Variants in EML4 observed in about 807,000 individuals in gnomAD.
EML4 encodes EMAP like 4.
In EML4, 72 loss-of-function variants were observed where a neutral mutation model predicts 129.0. The observed-to-expected ratio is 0.56, with a 90% CI of 0.46 to 0.68. The LOEUF (loss-of-function observed/expected upper bound fraction) is 0.68. Ranked by LOEUF, EML4 falls within the 30% of genes least tolerant of loss-of-function variation. EML4 has a pLI of 0.00. For synonymous variants in EML4, 532 were observed against 405.0 expected (o/e 1.31, Z -3.77); for missense variants, 1,363 against 1,190.6 (o/e 1.14, Z -2.13).
chr2:42,180,226 A>G lies in EML4; in HGVS notation c.25+10590A>G, dbSNP rs1437483967. Among the ~76,000 whole-genome samples the G allele has an allele frequency of 5.3e-5, 8 of 152,338 alleles. No homozygotes were observed. In the South Asian group the frequency reaches 1.7e-3, roughly 32 times the overall value. Reference sequence around the variant, plus strand: ...TTGAGATAAAACTGCGGCTCCAAGAATATGTTCCGTGTATGTATCATGTGG... The same window carrying G: ...TTGAGATAAAACTGCGGCTCCAAGAGTATGTTCCGTGTATGTATCATGTGG... On this transcript the variant is annotated intron_variant, in intron 1 of 22. Coordinates refer to ENST00000318522, the MANE Select transcript of EML4 (RefSeq NM_019063.5).
rs1572634170 is a variant in EML4, at chr2:42,254,689, T to C, written c.209-1812T>C. ...TGGTGACATTGGAATCCTCATACAT[T>C]GCTAGTGAAATTGTAAAATGGCGCA... On this transcript the variant is annotated intron_variant, in intron 2 of 22. Coordinates refer to ENST00000318522, the MANE Select transcript of EML4 (RefSeq NM_019063.5). Among the ~76,000 whole-genome samples the C allele has an allele frequency of 2.0e-5, 3 of 151,944 alleles. No individual in the cohort carries two copies. In the East Asian group the frequency reaches 5.8e-4, roughly 29 times the overall value.
At chr2:42,317,915 A>G (rs542634197) in intron 19 of EML4, among the ~76,000 whole-genome samples, 1 of 152,346 alleles carries the variant, frequency 6.6e-6, no homozygotes, top group Admixed American at 6.5e-5. Flanking sequence ...CTTCTCTGCC[A>G]CTGAAAATAA....
intron 3 of EML4, among the ~76,000 whole-genome samples, chr2:42,258,260 G>A (rs1464606936): frequency 2.6e-5 from 4 of 152,072 alleles, no homozygotes; most frequent in South Asian, 2.1e-4. Flanking sequence ...TTGAAGAATC[G>A]CAAGGAAGAA....
chr2:42,300,600 T>C (rs1274097943), intron 13 of EML4, among the ~76,000 whole-genome samples: 29 of 152,208 alleles, frequency 1.9e-4, no homozygotes, highest in Admixed American at 1.9e-3. Flanking sequence ...CAGGTATCCA[T>C]TGCCTACCTT....
chr2:42,223,918 C>T lies in EML4; in HGVS notation c.26-21587C>T, dbSNP rs373064748. Among the ~76,000 whole-genome samples the T allele has an allele frequency of 5.3e-5, 8 of 152,188 alleles. No homozygotes were observed. In the South Asian group the frequency reaches 1.7e-3, roughly 32 times the overall value. On this transcript the variant is annotated intron_variant, in intron 1 of 22. Coordinates refer to ENST00000318522, the MANE Select transcript of EML4 (RefSeq NM_019063.5). ...CTGGCCTTTTCACATACTAATAATA[C>T]CACTACGGGTTCTCCTTCCTTTACC...
intron 1 of EML4, among the ~76,000 whole-genome samples, chr2:42,204,293 G>A (rs2103982213): frequency 6.6e-6 from 1 of 152,282 alleles, no homozygotes; most frequent in African/African-American, 2.4e-5. Context: ...TATATAAGCA[G>A]TTAGTGGCAA....
intron 1 of EML4, chr2:42,169,894 T>C (rs1207299102): frequency 4.9e-6 from 2 of 408,000 alleles, no homozygotes; most frequent in African/African-American, 4.1e-5. Context: ...TCCCCCAAAG[T>C]GGGAACCCCT....
At position 42,245,532 on chromosome 2, in the gene EML4, C is replaced by G. The variant is rs113909364; in HGVS notation, c.53C>G (p.Ser18Cys). 3 of 1,613,370 alleles carry G rather than the reference C, an allele frequency of 1.9e-6. No individual in the cohort carries two copies. The highest frequency in any genetic ancestry group is 2.5e-6 in the Non-Finnish European group (3 of 1,179,566). Residue 18 changes from serine to cysteine, a missense_variant, in exon 2 of 23, where the codon TCT becomes TGT. Ser to Cys is a moderately radical substitution (Grantham distance 112). Transcript: ENST00000318522. ...GATAGTATTTCTGCTGCAAGTACTT[C>G]TGATGTTCAAGATCGCCTGTCAGCT... Reference protein sequence around the residue: ...LDDSISAASTSDVQDRLSALE... With the variant: ...LDDSISAASTCDVQDRLSALE...
chr2:42,278,997 A>G (rs1396663887), intron 6 of EML4, among the ~76,000 whole-genome samples: 5 of 152,172 alleles, frequency 3.3e-5, no homozygotes, highest in Non-Finnish European at 7.3e-5. Flanking sequence ...TTAGTTTTAG[A>G]CTGTCGCAGA....
intron 18 of EML4, among the ~76,000 whole-genome samples, chr2:42,316,494 A>G (rs910197059): frequency 6.6e-6 from 1 of 152,252 alleles, no homozygotes; most frequent in African/African-American, 2.4e-5. Flanking sequence ...TGTTTCGGTT[A>G]CATAGTAATG....
chr2:42,235,282 C>T (rs1353934557), intron 1 of EML4, among the ~76,000 whole-genome samples: 1 of 148,280 alleles, frequency 6.7e-6, no homozygotes, highest in African/African-American at 2.5e-5. Context: ...GTGACAAGAG[C>T]GAAACTCCAT....
intron 1 of EML4, among the ~76,000 whole-genome samples, chr2:42,171,127 C>T (rs1181294554): frequency 3.3e-5 from 5 of 152,148 alleles, no homozygotes; most frequent in African/African-American, 1.2e-4. Context: ...AGGTTGGGCT[C>T]TTTTTAGAGA....
Position 42,245,449 on chromosome 2 carries a change from A to C in EML4, c.26-56A>C, listed in dbSNP as rs1176869142. 4 of 1,462,712 alleles carry C rather than the reference A, an allele frequency of 2.7e-6. No homozygotes were observed. The Admixed American group carries it at 8.1e-5, about 30-fold the overall frequency. The allele number at this position is 1,462,712 out of a possible 1,614,324, so 90.6% of individuals were successfully genotyped here. A position where few individuals can be genotyped will look rare whatever the true frequency, so the allele number is the denominator to read the frequency against. ...ATGTGGGATGGTTTTTCTAATCAGA[A>C]ATTACTTCTCAAGCAGTTTACTTAA... On this transcript the variant is annotated intron_variant, in intron 1 of 22. Transcript: ENST00000318522.
chr2:42,283,108 A>G, intron 8 of EML4, 136 bp downstream of exon 8: 2 of 861,042 alleles, frequency 2.3e-6, no homozygotes, highest in South Asian at 2.1e-5. Context: ...TCTGTTGAAT[A>G]TATTTTAAAA....
chr2:42,247,140 C>A (rs909629670), intron 2 of EML4, among the ~76,000 whole-genome samples: 2 of 152,098 alleles, frequency 1.3e-5, no homozygotes, highest in African/African-American at 4.8e-5. Context: ...GACAAAAAGG[C>A]AGCAGAGAGG....
intron 11 of EML4, chr2:42,289,101 T>G (rs988271923): frequency 2.0e-5 from 3 of 152,198 alleles, no homozygotes; most frequent in Non-Finnish European, 4.4e-5. Context: ...TAACTTAACA[T>G]TTTGAAAGAA....
At chr2:42,226,844 A>G (rs1261636387) in intron 1 of EML4, among the ~76,000 whole-genome samples, 2 of 152,130 alleles carry the variant, frequency 1.3e-5, no homozygotes, top group East Asian at 3.9e-4. Context: ...TATACACCAT[A>G]AATATATACA....
chr2:42,244,096 TTTTTG>T (rs1438281009), intron 1 of EML4, among the ~76,000 whole-genome samples: 2 of 46,600 alleles, frequency 4.3e-5, no homozygotes, highest in African/African-American at 8.8e-5. Context: ...TTGTTTTTGT[TTTTTG>T]TTTTTTTTTT....
intron 1 of EML4, among the ~76,000 whole-genome samples, chr2:42,234,712 G>A (rs1452769943): frequency 6.6e-6 from 1 of 152,106 alleles, no homozygotes; most frequent in East Asian, 1.9e-4. Context: ...GCTTGTTCTT[G>A]TTCTCTGTGA....
Sources: allele counts gnomAD v4.1 joint callset (sites outside exome capture counted in the v4.1 genomes callset), GRCh38; gene constraint gnomAD v4.1.1; transcripts MANE v1.5; gene names NCBI Gene and HGNC (gene_info 2026-07-23, HGNC 2026-07-21).